LRP1: variants seen among roughly 807,000 people sequenced by gnomAD.
LRP1 encodes the protein LDL receptor related protein 1, also known as prolow-density lipoprotein receptor-related protein 1.
In LRP1, 51 loss-of-function variants were observed where a neutral mutation model predicts 541.5. The ratio of observed to expected loss-of-function variants is 0.09; its 90% CI spans 0.08 to 0.12. The LOEUF (loss-of-function observed/expected upper bound fraction) is 0.12, where lower values mean the gene tolerates loss of function less well. Ranked by LOEUF, LRP1 falls within the 10% of genes least tolerant of loss-of-function variation. The probability of loss-of-function intolerance (pLI) is 1.00; values close to 1 mark genes in which losing one functional copy is unlikely to be tolerated. For missense variants in LRP1, 3,878 were observed against 6,376.2 expected (o/e 0.61, Z 13.34); for synonymous variants, 2,219 against 2,470.8 (o/e 0.90, Z 3.02).
At position 57,178,654 on chromosome 12, in the gene LRP1, AG is replaced by A; in HGVS notation, c.4606+52del. On this transcript the variant is annotated intron_variant, in intron 27 of 88. Coordinates refer to ENST00000243077, the MANE Select transcript of LRP1 (RefSeq NM_002332.3). The surrounding 1 kb of genome is among the most constrained non-coding windows in gnomAD (Gnocchi z 5.8). Reference sequence around the variant, plus strand: ...CCGGAAGGGAGCCAGCAGCCTCTTTAGAAGCTGTAGAAGCTCTTAGGAGAGG... The same window carrying A: ...CCGGAAGGGAGCCAGCAGCCTCTTTAAAGCTGTAGAAGCTCTTAGGAGAGG... 6.2e-7 allele frequency: 1 copy of A among 1,609,198 alleles called. No individual in the cohort carries two copies. The highest frequency in any genetic ancestry group is 8.5e-7 in the Non-Finnish European group (1 of 1,177,104).
chr12:57,164,710 C>A (rs2035804612), intron 15 of LRP1: 1 of 152,208 alleles, frequency 6.6e-6, no homozygotes, highest in Admixed American at 6.5e-5. Context: ...TGTAATCATG[C>A]CTCTGCTATT....
At chr12:57,163,972 A>G (rs1224481854) in intron 15 of LRP1, among the ~76,000 whole-genome samples, 1 of 152,142 alleles carries the variant, frequency 6.6e-6, no homozygotes, top group Non-Finnish European at 1.5e-5. Context: ...GGAGTTCGAG[A>G]CCAGCCTGGC....
In LRP1 at chr12:57,173,133, C is replaced by T. The variant is rs374382332; in HGVS notation, c.3164-35C>T. The stretch of plus-strand genomic sequence containing the variant: ...ATGAGGAGGGCTGACCTGGGCAACC[C>T]CTCCCTCCTGAGGCCCTCCACTGTC... On this transcript the variant is annotated intron_variant, in intron 20 of 88. Transcript: ENST00000243077. This position sits in a 1 kb window ranked among gnomAD's most constrained non-coding sequence, Gnocchi z 4.7. 37 of 1,557,216 alleles carry T rather than the reference C, an allele frequency of 2.4e-5. 1 individual carries two copies. The African/African-American group carries it at 4.3e-4, about 18-fold the overall frequency.
In LRP1 at chr12:57,178,796, G is replaced by C; in HGVS notation, c.4607-94G>C. 2 of 1,531,044 alleles carry C rather than the reference G, an allele frequency of 1.3e-6. No homozygotes were observed. The highest frequency in any genetic ancestry group is 1.2e-5 in the South Asian group (1 of 80,116). 94.8% of individuals were successfully genotyped at this position (1,531,044 alleles called of 1,614,324 possible). Reference sequence around the variant, plus strand: ...TCTAGTAGTAGCGGCTGCTGGAACAGGGGGAGGAGAGTGGGCGAGGAAGGG... The same window carrying C: ...TCTAGTAGTAGCGGCTGCTGGAACACGGGGAGGAGAGTGGGCGAGGAAGGG... On this transcript the variant is annotated intron_variant, in intron 27 of 88. Transcript: ENST00000243077. The surrounding 1 kb of genome is among the most constrained non-coding windows in gnomAD (Gnocchi z 5.8).
At chr12:57,133,705 AC>A (rs1350641988) in intron 1 of LRP1, among the ~76,000 whole-genome samples, 2 of 122,208 alleles carry the variant, frequency 1.6e-5, no homozygotes, top group Admixed American at 1.8e-4. Flanking sequence ...CCTTTAGAGA[AC>A]CCCCCTCTCA....
chr12:57,184,585 C>T lies in LRP1; in HGVS notation c.6186+133C>T, dbSNP rs964584168. Reference sequence around the variant, plus strand: ...AGGGTCTCCCAGCCCAGCCCTCCACCCAGAGTAGGACTCCTGCTACCACAG... The same window carrying T: ...AGGGTCTCCCAGCCCAGCCCTCCACTCAGAGTAGGACTCCTGCTACCACAG... On this transcript the variant is annotated intron_variant, in intron 38 of 88. Transcript: ENST00000243077. The surrounding 1 kb of genome is among the most constrained non-coding windows in gnomAD (Gnocchi z 7.8). 7.5e-7 allele frequency: 1 copy of T among 1,327,860 alleles called. No individual in the cohort carries two copies. Among genetic ancestry groups the T allele is most frequent in the African/African-American group, 1.5e-5 (1 of 68,726 alleles). The allele number at this position is 1,327,860 out of a possible 1,614,324, so 82.3% of individuals were successfully genotyped here. A position where few individuals can be genotyped will look rare whatever the true frequency, so the allele number is the denominator to read the frequency against.
rs143462197 is a variant in LRP1 at position 57,184,394 on chromosome 12, G to A, written c.6128G>A (p.Arg2043His). 1.3e-5 allele frequency: 21 copies of A among 1,614,240 alleles called. No individual in the cohort carries two copies. Among genetic ancestry groups the A allele is most frequent in the South Asian group, 2.2e-5 (2 of 91,086 alleles). The change falls in exon 38 of 89, where the codon CGT becomes CAT. Residue 2043 changes from arginine to histidine, a missense_variant. Arg to His is a conservative substitution (Grantham distance 29, BLOSUM62 0). This residue lies in a region of LRP1 where 1,100 missense variants were observed against 1,827.4 expected (regional missense o/e 0.60). Coordinates refer to ENST00000243077, the MANE Select transcript of LRP1 (RefSeq NM_002332.3). The surrounding 1 kb of genome is among the most constrained non-coding windows in gnomAD (Gnocchi z 7.8). ...IERSRLDGTERVVLVNVSISW... is the reference protein window; with the variant it reads ...IERSRLDGTEHVVLVNVSISW... ...CGGTCTCGGCTAGATGGCACGGAGC[G>A]TGTGGTGCTGGTCAACGTCAGCATC...
In LRP1 at chr12:57,200,784, C is replaced by T; in HGVS notation, c.10194C>T (p.Asp3398=). 1 of 1,613,936 alleles carries T rather than the reference C, an allele frequency of 6.2e-7. No homozygotes were observed. Among genetic ancestry groups the T allele is most frequent in the South Asian group, 1.1e-5 (1 of 91,092 alleles). Residue 3398 remains aspartate, a synonymous_variant, in exon 64 of 89, where the codon GAC becomes GAT. Transcript: ENST00000243077. ...CCTTCATCTGCGATGGCGACAATGA[C>T]TGCCAGGACAACAGTGACGAGGCCA... ...NPAFICDGDN[D]CQDNSDEANC...
At chr12:57,136,459 C>T (rs926593920) in intron 1 of LRP1, among the ~76,000 whole-genome samples, 9 of 137,434 alleles carry the variant, frequency 6.5e-5, no homozygotes, top group African/African-American at 2.2e-4. Context: ...TAGTTGGGTA[C>T]AGCTGTCTTC....
intron 70 of LRP1, chr12:57,203,945 G>A (rs1240212206): frequency 1.5e-5 from 3 of 198,912 alleles, no homozygotes; most frequent in Non-Finnish European, 3.0e-5. Flanking sequence ...AGTACAGAGG[G>A]GGCAGGTGAA....
chr12:57,193,261 C>A lies in LRP1; in HGVS notation c.7641C>A (p.Val2547=), dbSNP rs144347808. Residue 2547 remains valine, a synonymous_variant, in exon 46 of 89, where the codon GTC becomes GTA. Coordinates refer to ENST00000243077, the MANE Select transcript of LRP1 (RefSeq NM_002332.3). ...CINFSLTCDG[V]PHCKDKSDEK... ...ACTTCAGCCTGACCTGCGACGGCGT[C>A]CCCCACTGCAAGGACAAGTCCGATG... 2.2e-4 allele frequency: 357 copies of A among 1,613,716 alleles called. No homozygotes were observed. Among genetic ancestry groups the A allele is most frequent in the Non-Finnish European group, 2.8e-4 (335 of 1,179,996 alleles).
chr12:57,185,411 GTCATTCAA>G lies in LRP1; in HGVS notation c.6464-119_6464-112del, dbSNP rs2036249822. ...GGCATTGGACTCTGGGCCCTGGAGG[GTCATTCAA>G]GCTGGGAATACCGAGGCAGAGGGCA... On this transcript the variant is annotated intron_variant, in intron 40 of 88. Transcript: ENST00000243077. This position sits in a 1 kb window ranked among gnomAD's most constrained non-coding sequence, Gnocchi z 4.9. 5.1e-6 allele frequency: 7 copies of G among 1,369,160 alleles called. No individual in the cohort carries two copies. In the South Asian group the frequency reaches 1.0e-4, roughly 20 times the overall value. The allele number at this position is 1,369,160 out of a possible 1,614,324, so 84.8% of individuals were successfully genotyped here. A position where few individuals can be genotyped will look rare whatever the true frequency, so the allele number is the denominator to read the frequency against.
chr12:57,183,807 C>T lies in LRP1; in HGVS notation c.5827C>T (p.Leu1943=), dbSNP rs151062304. ...CACCATCTACTGGGTGGACATGGGC[C>T]TGAGCACGATCAGCCGGGCCAAGCG... ...NDTIYWVDMG[L]STISRAKRDQ... is the part of the protein sequence containing the mutation. The change falls in exon 36 of 89, where the codon CTG becomes TTG. Residue 1943 remains leucine, a synonymous_variant. Transcript: ENST00000243077. This position sits in a 1 kb window ranked among gnomAD's most constrained non-coding sequence, Gnocchi z 6.1. The T allele has an allele frequency of 1.3e-5, 21 of 1,614,140 alleles. No homozygotes were observed. In the African/African-American group the frequency reaches 2.8e-4, roughly 22 times the overall value.
chr12:57,175,570 A>G lies in LRP1; in HGVS notation c.3658A>G (p.Thr1220Ala), dbSNP rs781356205. The change falls in exon 23 of 89, where the codon ACC becomes GCC. Residue 1220 changes from threonine to alanine, a missense_variant. By Grantham distance (58) the Thr-to-Ala change is moderately conservative. Coordinates refer to ENST00000243077, the MANE Select transcript of LRP1 (RefSeq NM_002332.3). ...CATGGAGCTGGGGCCCGACAACCAC[A>G]CCTGCCAGATCCAGAGCTACTGTGC... ...LGMELGPDNH[T>A]CQIQSYCAKH... 3.1e-6 allele frequency: 5 copies of G among 1,614,038 alleles called. No homozygotes were observed. The African/African-American group carries it at 4.0e-5, about 13-fold the overall frequency.
At position 57,197,685 on chromosome 12, in the gene LRP1, C is replaced by T. The variant is rs201769396; in HGVS notation, c.9282+21C>T. The stretch of plus-strand genomic sequence containing the variant: ...TGCAGGTGAGGCGGGCGGCCCTCGG[C>T]GACCAACACTGGCCCGCCTCAGATG... On this transcript the variant is annotated intron_variant, in intron 58 of 88. Coordinates refer to ENST00000243077, the MANE Select transcript of LRP1 (RefSeq NM_002332.3). This position sits in a 1 kb window ranked among gnomAD's most constrained non-coding sequence, Gnocchi z 4.5. 1.3e-5 allele frequency: 21 copies of T among 1,609,302 alleles called. No homozygotes were observed. Among genetic ancestry groups the T allele is most frequent in the African/African-American group, 4.0e-5 (3 of 74,798 alleles).
rs1346354620 is a variant in LRP1, at chr12:57,160,954, A to C, written c.2041A>C (p.Arg681=). The part of the protein sequence containing the change: ...PKDSRRGRLE[R]AWMDGSHRDI... ...GGACAGTCGGCGTGGGCGGCTGGAG[A>C]GGGCGTGGATGGATGGCTCACACCG... Residue 681 remains arginine (R), a synonymous_variant, in exon 13 of 89, where the codon AGG becomes CGG. Transcript: ENST00000243077. 3 of 1,613,198 alleles carry C rather than the reference A, an allele frequency of 1.9e-6. No individual in the cohort carries two copies. In the South Asian group the frequency reaches 3.3e-5, roughly 18 times the overall value.
chr12:57,136,058 T>TC (rs1447722823), intron 1 of LRP1, among the ~76,000 whole-genome samples: 1 of 152,220 alleles, frequency 6.6e-6, no homozygotes, highest in East Asian at 1.9e-4. Context: ...GCCCCCCTCT[T>TC]CCCCCTCAGC....
At chr12:57,136,345 G>C (rs1449533793) in intron 1 of LRP1, among the ~76,000 whole-genome samples, 2 of 151,856 alleles carry the variant, frequency 1.3e-5, no homozygotes, top group African/African-American at 4.8e-5. Context: ...TGGGGGTTAG[G>C]AGGGAAGACA....
In LRP1 at chr12:57,212,119, C is replaced by G; in HGVS notation, c.13352C>G (p.Ala4451Gly). ...VFWYKRRVQG[A>G]KGFQHQRMTN... ...CTTATACTCCTGCCTTTCCCCAGGG[C>G]TAAGGGCTTCCAGCACCAACGGATG... Residue 4451 changes from alanine (A) to glycine (G), a missense_variant and splice_region_variant, in exon 88 of 89, where the codon GCT becomes GGT. Ala to Gly is a moderately conservative substitution (Grantham distance 60). This residue lies in a region of LRP1 where 871 missense variants were observed against 1,212.4 expected (regional missense o/e 0.72). Transcript: ENST00000243077. This position sits in a 1 kb window ranked among gnomAD's most constrained non-coding sequence, Gnocchi z 5.0. 1.9e-6 allele frequency: 3 copies of G among 1,613,848 alleles called. No homozygotes were observed. The highest frequency in any genetic ancestry group is 2.5e-6 in the Non-Finnish European group (3 of 1,179,904).
Sources: gnomAD v4.1 joint callset for allele counts (sites outside exome capture counted in the v4.1 genomes callset) on GRCh38, gnomAD v4.1.1 for gene constraint, gnomAD v4.1.1 regional missense constraint, Gnocchi (gnomAD v3.1) non-coding constraint, MANE v1.5 for transcripts, NCBI Gene and HGNC (gene_info 2026-07-23, HGNC 2026-07-21) for gene names.